The following MYCBP2 variants were observed in gnomAD, a reference collection of about 807,000 sequenced individuals.
MYCBP2 encodes the protein E3 ubiquitin-protein ligase MYCBP2.
A neutral mutation model predicts 525.3 loss-of-function variants in MYCBP2; 120 were observed. That is an observed-to-expected ratio of 0.23 (90% confidence interval 0.20 to 0.27). The LOEUF (loss-of-function observed/expected upper bound fraction) is 0.27, where lower values mean the gene tolerates loss of function less well. Among genes scored for constraint, MYCBP2 ranks in the 10% least tolerant of loss-of-function variants. MYCBP2 has a pLI of 1.00. For missense variants in MYCBP2, 4,149 were observed against 5,657.1 expected, an observed-to-expected ratio of 0.73 and a Z score of 8.55; for synonymous variants, 1,894 against 1,955.8, an observed-to-expected ratio of 0.97 and a Z score of 0.83.
chr13:77,083,327 G>T lies in MYCBP2; in HGVS notation c.10876-135C>A, dbSNP rs755623164. The T allele has an allele frequency of 1.1e-5, 8 of 746,620 alleles. 1 individual carries two copies. The South Asian group carries it at 1.7e-4, about 16-fold the overall frequency. 46.2% of individuals were successfully genotyped at this position (746,620 alleles called of 1,614,324 possible). ...AACAAAACCAAATTGTACCCAGAAA[G>T]ATACAGTAATTTTAACTAATTATGC... On this transcript the variant is annotated intron_variant, in intron 62 of 82. Transcript: ENST00000544440.
chr13:77,090,749 A>G (rs1781443969), intron 59 of MYCBP2: 1 of 152,300 alleles, frequency 6.6e-6, no homozygotes, highest in African/African-American at 2.4e-5. Context: ...AAGCCCTTGG[A>G]GGATGGCTGC....
intron 8 of MYCBP2, among the ~76,000 whole-genome samples, chr13:77,266,894 T>C (rs1288493467): frequency 6.6e-6 from 1 of 151,982 alleles, no homozygotes; most frequent in Non-Finnish European, 1.5e-5. Context: ...CATAGTGTCA[T>C]GTACACTAAT....
rs1164460719 is a variant in MYCBP2, at chr13:77,140,876, G to C, written c.7371C>G (p.Val2457=). The change falls in exon 50 of 83, where the codon GTC becomes GTG. Residue 2457 remains valine, a synonymous_variant. Coordinates refer to ENST00000544440, the MANE Select transcript of MYCBP2 (RefSeq NM_015057.5). ...KGMIPPGTQL[V]KPKSEPQPNK... ...TAGGCTGAGGTTCAGACTTTGGTTT[G>C]ACCAACTGAGTTCCTGGTGGTATCA... The C allele has an allele frequency of 6.2e-7, 1 of 1,612,752 alleles. No homozygotes were observed. The highest frequency in any genetic ancestry group is 1.7e-5 in the Admixed American group (1 of 59,694).
intron 46 of MYCBP2, among the ~76,000 whole-genome samples, chr13:77,153,063 T>C (rs2056725439): frequency 2.0e-5 from 1 of 49,740 alleles, no homozygotes; most frequent in South Asian, 6.0e-4. Flanking sequence ...AGACTCTGTC[T>C]CAAAAAAAAA....
intron 17 of MYCBP2, among the ~76,000 whole-genome samples, chr13:77,242,258 C>T (rs760612947): frequency 3.3e-5 from 5 of 151,996 alleles, no homozygotes; most frequent in African/African-American, 1.2e-4. Flanking sequence ...GGACTACAGG[C>T]GCACACCACC....
intron 55 of MYCBP2, chr13:77,118,542 A>G (rs2050165257): frequency 1.3e-6 from 1 of 760,114 alleles, no homozygotes; most frequent in Admixed American, 1.7e-5. Flanking sequence ...ATTCATTAAC[A>G]TCCAAAATGG....
In MYCBP2 at chr13:77,181,990, T is replaced by C. The variant is rs192262023; in HGVS notation, c.4720-68A>G. On this transcript the variant is annotated intron_variant, in intron 32 of 82. Coordinates refer to ENST00000544440, the MANE Select transcript of MYCBP2 (RefSeq NM_015057.5). Reference sequence around the variant, plus strand: ...CATCAGTATAATCTAAGTTTCTGAATACATAAAAGGTAAACCATCTTTTAA... The same window carrying C: ...CATCAGTATAATCTAAGTTTCTGAACACATAAAAGGTAAACCATCTTTTAA... 5,945 of 1,227,176 alleles carry C rather than the reference T, an allele frequency of 4.8e-3. 19 individuals are homozygous for C. Among genetic ancestry groups the C allele is most frequent in the Non-Finnish European group, 6.3e-3 (5,494 of 869,534 alleles). The allele number at this position is 1,227,176 out of a possible 1,614,324, so 76.0% of individuals were successfully genotyped here.
chr13:77,084,751 C>T (rs547220919), intron 62 of MYCBP2, among the ~76,000 whole-genome samples: 1 of 152,244 alleles, frequency 6.6e-6, no homozygotes, highest in East Asian at 1.9e-4. Flanking sequence ...CAATTCATTT[C>T]CACTGCTAGA....
chr13:77,281,065 A>T (rs1182488992), intron 3 of MYCBP2, among the ~76,000 whole-genome samples: 1 of 152,188 alleles, frequency 6.6e-6, no homozygotes. Context: ...GGCTAAGTAT[A>T]AAGTATTTTA....
At chr13:77,324,102 C>T (rs2082014891) in intron 1 of MYCBP2, among the ~76,000 whole-genome samples, 1 of 152,166 alleles carries the variant, frequency 6.6e-6, no homozygotes, top group African/African-American at 2.4e-5. Flanking sequence ...AAAACACATT[C>T]CATTCACTCC....
chr13:77,297,053 G>A (rs759569775), intron 1 of MYCBP2, among the ~76,000 whole-genome samples: 6 of 152,096 alleles, frequency 3.9e-5, no homozygotes, highest in Non-Finnish European at 5.9e-5. Context: ...TGAGGGCTAC[G>A]GTGCAAAGGG....
chr13:77,108,701 C>G (rs2048258421), intron 55 of MYCBP2, among the ~76,000 whole-genome samples: 2 of 150,294 alleles, frequency 1.3e-5, no homozygotes, highest in Non-Finnish European at 3.0e-5. Context: ...GGATAAGATA[C>G]TTTATTTTTT....
intron 6 of MYCBP2, 79 bp downstream of exon 6, chr13:77,270,217 T>C (rs2074686098): frequency 6.7e-7 from 1 of 1,487,570 alleles, no homozygotes; most frequent in African/African-American, 1.4e-5. Context: ...ATTCTAGAAA[T>C]GAAACTAGAA....
chr13:77,154,421 A>G (rs1415817866), intron 46 of MYCBP2, among the ~76,000 whole-genome samples: 1 of 152,028 alleles, frequency 6.6e-6, no homozygotes, highest in African/African-American at 2.4e-5. Context: ...GAGAGGAAAA[A>G]AAAAAGCAGA....
chr13:77,129,411 T>TGATAAGTAAGTTTTTGTCAGAA, intron 52 of MYCBP2: 1 of 371,154 alleles, frequency 2.7e-6, no homozygotes. Flanking sequence ...AAATTCTGTC[T>TGATAAGTAAGTTTTTGTCAGAA]GATAAGTAAG....
At chr13:77,139,141 C>T (rs973585924) in intron 52 of MYCBP2, 55 bp downstream of exon 52, 1 of 1,560,700 alleles carries the variant, frequency 6.4e-7, no homozygotes, top group Non-Finnish European at 8.7e-7. Context: ...AAAGAAAGCT[C>T]TGTAAAACAA....
intron 37 of MYCBP2, among the ~76,000 whole-genome samples, chr13:77,172,225 A>G (rs2059213987): frequency 6.6e-6 from 1 of 151,310 alleles, no homozygotes; most frequent in Non-Finnish European, 1.5e-5. Flanking sequence ...TTTTTTAAAG[A>G]CCCACGCGAA....
chr13:77,066,935 C>T (rs1477695447), intron 71 of MYCBP2, among the ~76,000 whole-genome samples: 1 of 151,832 alleles, frequency 6.6e-6, no homozygotes, highest in Admixed American at 6.6e-5. Flanking sequence ...CAGTTGTTTG[C>T]CTTTTTAAAA....
At chr13:77,219,309 G>T (rs2065229523) in intron 20 of MYCBP2, among the ~76,000 whole-genome samples, 2 of 152,048 alleles carry the variant, frequency 1.3e-5, no homozygotes, top group Admixed American at 6.6e-5. Flanking sequence ...ACTCGATTTA[G>T]CAGAAGGAGG....
Sources: allele counts gnomAD v4.1 joint callset (sites outside exome capture counted in the v4.1 genomes callset), GRCh38; gene constraint gnomAD v4.1.1; transcripts MANE v1.5; gene names NCBI Gene and HGNC (gene_info 2026-07-23, HGNC 2026-07-21).